The following PDE4D variants were observed in gnomAD, a reference collection of about 807,000 sequenced individuals.
PDE4D encodes phosphodiesterase 4D.
A neutral mutation model predicts 87.4 loss-of-function variants in PDE4D; 24 were observed. That is an observed-to-expected ratio of 0.27 (90% CI 0.20 to 0.39). The LOEUF is 0.39. Ranked by LOEUF, PDE4D falls within the 10% of genes least tolerant of loss-of-function variation. The pLI, the probability that PDE4D is intolerant of heterozygous loss-of-function variation, is 1.00. For missense variants in PDE4D, 714 were observed against 1,041.0 expected (o/e 0.69, Z 4.32); for synonymous variants, 384 against 383.2 (o/e 1.00, Z -0.02).
At chr5:60,170,483 T>C (rs1371693922) in intron 2 of PDE4D, among the ~76,000 whole-genome samples, 2 of 152,058 alleles carry the variant, frequency 1.3e-5, no homozygotes, top group African/African-American at 2.4e-5. Context: ...AAGTGTTTTC[T>C]TGTCTACAGA....
At chr5:60,447,405 C>T (rs1348936848) in intron 1 of PDE4D, among the ~76,000 whole-genome samples, 2 of 152,104 alleles carry the variant, frequency 1.3e-5, no homozygotes, top group African/African-American at 4.8e-5. Context: ...CTTAGTTTGC[C>T]TTTGCAGGTT....
intron 1 of PDE4D, among the ~76,000 whole-genome samples, chr5:60,473,117 GAGAA>G (rs757519945): frequency 9.9e-5 from 8 of 81,020 alleles, no homozygotes; most frequent in Non-Finnish European, 1.6e-4. Flanking sequence ...AAGAGAGAGA[GAGAA>G]AGAAAGGAAG....
intron 1 of PDE4D, among the ~76,000 whole-genome samples, chr5:59,374,661 T>A (rs1339205761): frequency 1.3e-5 from 2 of 152,182 alleles, no homozygotes; most frequent in African/African-American, 2.4e-5. Context: ...AACTTAGCAC[T>A]GGAACAAATG....
At chr5:59,756,778 G>T (rs1040878720) in intron 1 of PDE4D, among the ~76,000 whole-genome samples, 3 of 150,372 alleles carry the variant, frequency 2.0e-5, no homozygotes, top group Non-Finnish European at 4.4e-5. Context: ...CTTCACAGTG[G>T]ATACAATGAT....
intron 1 of PDE4D, among the ~76,000 whole-genome samples, chr5:59,707,087 A>G (rs1427774034): frequency 6.6e-6 from 1 of 152,198 alleles, no homozygotes; most frequent in African/African-American, 2.4e-5. Context: ...ATATTTCTTG[A>G]TAAAATAGTT....
chr5:59,360,093 G>A (rs1159247236), intron 1 of PDE4D, among the ~76,000 whole-genome samples: 1 of 152,100 alleles, frequency 6.6e-6, no homozygotes, highest in Admixed American at 6.5e-5. Flanking sequence ...GCAAATTTGG[G>A]TTTCGGTGTC....
chr5:59,703,958 G>A (rs546780348), intron 1 of PDE4D, among the ~76,000 whole-genome samples: 2 of 152,228 alleles, frequency 1.3e-5, no homozygotes, highest in East Asian at 3.9e-4. Flanking sequence ...GGCAGAGAGA[G>A]TAAAAGAAAG....
At chr5:60,108,077 T>C (rs1227850615) in intron 2 of PDE4D, among the ~76,000 whole-genome samples, 1 of 151,976 alleles carries the variant, frequency 6.6e-6, no homozygotes, top group Non-Finnish European at 1.5e-5. Flanking sequence ...TTGTCCCTGT[T>C]TGCAGACGAC....
intron 5 of PDE4D, among the ~76,000 whole-genome samples, chr5:59,144,977 C>T (rs1455762129): frequency 6.8e-6 from 1 of 146,186 alleles, no homozygotes; most frequent in Non-Finnish European, 1.5e-5. Flanking sequence ...GTTTAATATG[C>T]TGTTTTTATT....
chr5:59,448,890 C>A (rs796403773), intron 1 of PDE4D, among the ~76,000 whole-genome samples: 4 of 152,266 alleles, frequency 2.6e-5, no homozygotes, highest in African/African-American at 7.2e-5. Context: ...CCGCCTTGGC[C>A]TCCCAAAGCA....
intron 1 of PDE4D, among the ~76,000 whole-genome samples, chr5:59,639,837 G>A (rs1402572995): frequency 6.6e-6 from 1 of 151,192 alleles, no homozygotes; most frequent in Non-Finnish European, 1.5e-5. Flanking sequence ...GTGTGTGTGT[G>A]TGTGTGTGTG....
At chr5:59,496,321 AG>A (rs1807180999) in intron 1 of PDE4D, among the ~76,000 whole-genome samples, 5 of 152,096 alleles carry the variant, frequency 3.3e-5, no homozygotes, top group Non-Finnish European at 7.4e-5. Context: ...GGGTTTTTAT[AG>A]GCACAGGATG....
intron 1 of PDE4D, among the ~76,000 whole-genome samples, chr5:59,606,079 A>G (rs1828160830): frequency 6.6e-6 from 1 of 152,222 alleles, no homozygotes; most frequent in African/African-American, 2.4e-5. Flanking sequence ...ATACATATGT[A>G]TATACATGAA....
At chr5:60,046,761 T>A (rs1296646257) in intron 2 of PDE4D, among the ~76,000 whole-genome samples, 3 of 152,140 alleles carry the variant, frequency 2.0e-5, no homozygotes, top group African/African-American at 7.2e-5. Flanking sequence ...CTGCTGGATT[T>A]GGTTTGCCAG....
At chr5:59,355,188 T>C (rs1423056346) in intron 1 of PDE4D, among the ~76,000 whole-genome samples, 1 of 152,200 alleles carries the variant, frequency 6.6e-6, no homozygotes, top group East Asian at 1.9e-4. Context: ...CTTGAAAAAA[T>C]ATATTTATCA....
chr5:59,648,758 T>C (rs1476918473), intron 1 of PDE4D, among the ~76,000 whole-genome samples: 5 of 152,148 alleles, frequency 3.3e-5, no homozygotes, highest in Non-Finnish European at 7.4e-5. Context: ...GAGGAAATTA[T>C]TGCTGTATTC....
At chr5:60,031,061 C>T (rs913490618) in intron 2 of PDE4D, 55 of 152,184 alleles carry the variant, frequency 3.6e-4, no homozygotes, top group African/African-American at 1.1e-3. Context: ...TAATGTAGGA[C>T]CTAAAAGAAT....
At chr5:59,466,557 C>T (rs1339757729) in intron 1 of PDE4D, among the ~76,000 whole-genome samples, 1 of 152,210 alleles carries the variant, frequency 6.6e-6, no homozygotes, top group African/African-American at 2.4e-5. Flanking sequence ...CATTTGACCA[C>T]TGCCTGACTC....
intron 1 of PDE4D, among the ~76,000 whole-genome samples, chr5:59,238,100 G>A (rs1756875645): frequency 6.6e-6 from 1 of 152,106 alleles, no homozygotes; most frequent in East Asian, 1.9e-4. Flanking sequence ...CTCTGCCTTT[G>A]TAGCCTTGTG....
Sources: allele counts gnomAD v4.1 joint callset (sites outside exome capture counted in the v4.1 genomes callset), GRCh38; gene constraint gnomAD v4.1.1; transcripts MANE v1.5; gene names NCBI Gene and HGNC (gene_info 2026-07-23, HGNC 2026-07-21).